UNC13C: variants seen among roughly 807,000 people sequenced by gnomAD.
The protein encoded by UNC13C is unc-13 homolog C.
In UNC13C, 174 loss-of-function variants were observed where a neutral mutation model predicts 245.4. That is an observed-to-expected ratio of 0.71 (90% CI 0.63 to 0.80). The LOEUF is 0.80. Ranked by LOEUF, UNC13C falls within the 30% of genes least tolerant of loss-of-function variation. The pLI is 0.00. For synonymous variants in UNC13C, 992 were observed against 895.1 expected (o/e 1.11, Z -1.93); for missense variants, 2,829 against 2,602.9 (o/e 1.09, Z -1.89).
At chr15:53,936,308 G>A in the UNC13C span, among the ~76,000 whole-genome samples, 1 of 152,152 alleles carries the variant, frequency 6.6e-6, no homozygotes, top group Non-Finnish European at 1.5e-5. Flanking sequence ...CCTCATCACT[G>A]GGTAGGGGCT....
At chr15:54,503,466 T>C (rs1894321935) in intron 22 of UNC13C, among the ~76,000 whole-genome samples, 1 of 149,840 alleles carries the variant, frequency 6.7e-6, no homozygotes, top group African/African-American at 2.5e-5. Flanking sequence ...AGACAGAGTC[T>C]CACTCTGTCA....
At chr15:54,510,219 A>G (rs1457165615) in intron 23 of UNC13C, among the ~76,000 whole-genome samples, 1 of 152,180 alleles carries the variant, frequency 6.6e-6, no homozygotes. Context: ...ATTATAAGTC[A>G]TTGTTTTACT....
At chr15:54,169,858 G>A (rs2033321999) in intron 4 of UNC13C, among the ~76,000 whole-genome samples, 1 of 152,116 alleles carries the variant, frequency 6.6e-6, no homozygotes, top group Admixed American at 6.6e-5. Flanking sequence ...TTCTGTCTCA[G>A]AGCAGCTGGT....
the UNC13C span, among the ~76,000 whole-genome samples, chr15:53,870,061 G>C: frequency 6.6e-6 from 1 of 152,256 alleles, no homozygotes; most frequent in East Asian, 1.9e-4. Flanking sequence ...TCATTTTAAA[G>C]TTTTTCCCAC....
At chr15:54,379,677 C>A (rs1263635737) in intron 17 of UNC13C, among the ~76,000 whole-genome samples, 1 of 152,088 alleles carries the variant, frequency 6.6e-6, no homozygotes, top group Non-Finnish European at 1.5e-5. Flanking sequence ...TTCTATCAAG[C>A]AACCTACATG....
At position 54,013,308 on chromosome 15, in the gene UNC13C, G is replaced by A. The variant is rs966732185; in HGVS notation, c.405G>A (p.Arg135=). 6.2e-7 allele frequency: 1 copy of A among 1,613,776 alleles called. No homozygotes were observed. The highest frequency in any genetic ancestry group is 8.5e-7 in the Non-Finnish European group (1 of 1,179,844). The stretch of plus-strand genomic sequence containing the variant: ...ACTCAGAATCATTAAATGAACTAAG[G>A]AGTAGCACAGAAAACCAGGCACAAT... ...SSYSESLNEL[R]SSTENQAQST... is the part of the protein sequence containing the mutation. Residue 135 remains arginine, a synonymous_variant, in exon 2 of 33, where the codon AGG becomes AGA. Coordinates refer to ENST00000260323, the MANE Select transcript of UNC13C (RefSeq NM_001080534.3).
chr15:54,182,031 C>A (rs1364355538), intron 4 of UNC13C, among the ~76,000 whole-genome samples: 2 of 149,182 alleles, frequency 1.3e-5, no homozygotes, highest in Non-Finnish European at 3.0e-5. Context: ...TTTATTTTTT[C>A]TCTTGCCTGA....
intron 19 of UNC13C, among the ~76,000 whole-genome samples, chr15:54,487,791 ACAGAGAG>A: frequency 1.4e-5 from 1 of 72,266 alleles, no homozygotes; most frequent in Admixed American, 1.7e-4. Context: ...AAAAAAAAAG[ACAGAGAG>A]AGAGAAAAGA....
Position 54,232,903 on chromosome 15 carries a change from A to G in UNC13C, c.3072-2127A>G, listed in dbSNP as rs74839748. ...ATACCCATTCACTTAGCCTTTTTCC[A>G]TGTATTTGATGTTTTGAATGTGGAA... On this transcript the variant is annotated intron_variant, in intron 4 of 32. Coordinates refer to ENST00000260323, the MANE Select transcript of UNC13C (RefSeq NM_001080534.3). 1.9e-3 allele frequency among the ~76,000 whole-genome samples: 293 copies of G among 152,190 alleles called. 2 individuals are homozygous for G. Among genetic ancestry groups the G allele is most frequent in the African/African-American group, 6.6e-3 (276 of 41,518 alleles).
At position 54,623,952 on chromosome 15, in the gene UNC13C, G is replaced by C. The variant is rs1287186514; in HGVS notation, c.6357G>C (p.Gln2119His). 6.2e-7 allele frequency: 1 copy of C among 1,612,842 alleles called. No homozygotes were observed. The highest frequency in any genetic ancestry group is 1.3e-5 in the African/African-American group (1 of 74,858). ...TWSPKYNETFQFILGKENRPG... is the reference protein window; with the variant it reads ...TWSPKYNETFHFILGKENRPG... Reference sequence around the variant, plus strand: ...CACCAAAGTACAATGAAACATTTCAGTTGTAAGTCATAAACCCACCTTACT... The same window carrying C: ...CACCAAAGTACAATGAAACATTTCACTTGTAAGTCATAAACCCACCTTACT... Residue 2119 changes from glutamine to histidine, a missense_variant and splice_region_variant, in exon 32 of 33, where the codon CAG (glutamine) becomes CAC (histidine). Physicochemically the swap from Gln to His is conservative, Grantham distance 24. Coordinates refer to ENST00000260323, the MANE Select transcript of UNC13C (RefSeq NM_001080534.3).
At chr15:53,941,486 TATC>T in the UNC13C span, among the ~76,000 whole-genome samples, 1 of 152,142 alleles carries the variant, frequency 6.6e-6, no homozygotes, top group Non-Finnish European at 1.5e-5. Flanking sequence ...CAAAAGAAAC[TATC>T]ATCAGAGTGA....
the UNC13C span, among the ~76,000 whole-genome samples, chr15:53,907,803 C>A: frequency 8.6e-6 from 1 of 116,518 alleles, no homozygotes; most frequent in Non-Finnish European, 2.1e-5. Flanking sequence ...TAGTTCCAAG[C>A]ACAATGCTTA....
rs1520406 is a variant in UNC13C, at chr15:54,515,667, G to A, written c.5457+3837G>A. 7.1e-3 allele frequency among the ~76,000 whole-genome samples: 1,081 copies of A among 152,192 alleles called. 11 individuals carry two copies. Among genetic ancestry groups the A allele is most frequent in the African/African-American group, 0.025 (1,031 of 41,508 alleles). ...TTCACAATATTTTATTGGTGCAATC[G>A]TTTTAAATGGTAGAATCCATAGTTA... On this transcript the variant is annotated intron_variant, in intron 24 of 32. Transcript: ENST00000260323.
intron 10 of UNC13C, among the ~76,000 whole-genome samples, chr15:54,283,700 GTATA>G (rs202079665): frequency 9.9e-6 from 1 of 100,640 alleles, no homozygotes. Flanking sequence ...ATATATGTGT[GTATA>G]TATATATGTG....
At chr15:54,246,362 CAA>C (rs1366643473) in intron 7 of UNC13C, among the ~76,000 whole-genome samples, 4 of 145,204 alleles carry the variant, frequency 2.8e-5, no homozygotes, top group South Asian at 4.4e-4. Context: ...TCTATAACAG[CAA>C]AAAAAATTGC....
At chr15:54,129,469 A>T (rs1447092410) in intron 2 of UNC13C, among the ~76,000 whole-genome samples, 2 of 152,134 alleles carry the variant, frequency 1.3e-5, no homozygotes, top group African/African-American at 4.8e-5. Flanking sequence ...CATTTTATAA[A>T]TATTTGTTAA....
intron 20 of UNC13C, among the ~76,000 whole-genome samples, chr15:54,495,232 G>T (rs1405281198): frequency 2.6e-5 from 4 of 151,996 alleles, no homozygotes; most frequent in African/African-American, 9.7e-5. Flanking sequence ...CATTTGATAT[G>T]TATTAGAATT....
intron 17 of UNC13C, among the ~76,000 whole-genome samples, chr15:54,359,712 C>T (rs992842889): frequency 3.3e-5 from 5 of 151,872 alleles, no homozygotes; most frequent in African/African-American, 1.2e-4. Context: ...CTTTTATCAT[C>T]TCTAATTATG....
the UNC13C span, among the ~76,000 whole-genome samples, chr15:53,861,970 A>C: frequency 1.3e-5 from 2 of 152,114 alleles, no homozygotes; most frequent in Admixed American, 1.3e-4. Context: ...TATCATCAGG[A>C]GGCATTAAAT....
Sources: gnomAD v4.1 joint callset for allele counts (sites outside exome capture counted in the v4.1 genomes callset) on GRCh38, gnomAD v4.1.1 for gene constraint, MANE v1.5 for transcripts, NCBI Gene and HGNC (gene_info 2026-07-23, HGNC 2026-07-21) for gene names.